The following NFIA variants were observed in gnomAD, a reference collection of about 807,000 sequenced individuals.
The protein encoded by NFIA is nuclear factor I A.
A neutral mutation model predicts 62.8 loss-of-function variants in NFIA; 8 were observed. The observed-to-expected ratio is 0.13, with a 90% CI of 0.07 to 0.23. The LOEUF (loss-of-function observed/expected upper bound fraction) is 0.23, where lower values mean the gene tolerates loss of function less well. Ranked by LOEUF, NFIA falls within the 10% of genes least tolerant of loss-of-function variation. NFIA has a pLI of 1.00. For missense variants in NFIA, 410 were observed against 642.1 expected, an observed-to-expected ratio of 0.64 and a Z score of 3.91; for synonymous variants, 235 against 238.1, an observed-to-expected ratio of 0.99 and a Z score of 0.12.
upstream of NFIA, among the ~76,000 whole-genome samples, chr1:61,080,542 C>G (rs1383137427): frequency 6.6e-6 from 1 of 152,078 alleles, no homozygotes; most frequent in Non-Finnish European, 1.5e-5. Flanking sequence ...AAACTTGGAG[C>G]GCATTGAAGT....
chr1:61,381,958 A>T (rs1664438592), intron 6 of NFIA, among the ~76,000 whole-genome samples: 1 of 152,230 alleles, frequency 6.6e-6, no homozygotes, highest in South Asian at 2.1e-4. Context: ...ACTCCATAAC[A>T]GTTACATGTT....
At chr1:61,280,964 C>A (rs940239363) in intron 3 of NFIA, among the ~76,000 whole-genome samples, 1 of 152,142 alleles carries the variant, frequency 6.6e-6, no homozygotes, top group Admixed American at 6.5e-5. Context: ...TAAAAGGAGG[C>A]CAGGTGCAGT....
chr1:61,080,660 G>A (rs115149702), upstream of NFIA, among the ~76,000 whole-genome samples: 666 of 152,304 alleles, frequency 4.4e-3, 4 homozygotes, highest in African/African-American at 0.015. Flanking sequence ...CCAAGGAAAA[G>A]CAGTGGGTTA....
rs1174472203 is a variant in NFIA at position 61,456,179 on chromosome 1, G to T, written c.*859G>T. Reference sequence around the variant, plus strand: ...AATCGAATTTTGAATTGAGTAAAGTGCAATTTCATTGGATAGCTAAATATC... The same window carrying T: ...AATCGAATTTTGAATTGAGTAAAGTTCAATTTCATTGGATAGCTAAATATC... On this transcript the variant is annotated 3_prime_UTR_variant, in exon 11 of 11. Coordinates refer to ENST00000403491, the MANE Select transcript of NFIA (RefSeq NM_001134673.4). The T allele has an allele frequency of 6.6e-6, 1 of 152,562 alleles. No individual in the cohort carries two copies. Among genetic ancestry groups the T allele is most frequent in the African/African-American group, 2.4e-5 (1 of 41,432 alleles). The allele number at this position is 152,562 out of a possible 1,614,324, so 9.5% of individuals were successfully genotyped here.
intron 3 of NFIA, among the ~76,000 whole-genome samples, chr1:61,316,590 C>T (rs1297370995): frequency 1.3e-5 from 2 of 152,014 alleles, no homozygotes; most frequent in Non-Finnish European, 2.9e-5. Flanking sequence ...GATTCCCCTC[C>T]GAATGCTGAT....
intron 4 of NFIA, among the ~76,000 whole-genome samples, chr1:61,344,004 A>T (rs1200148763): frequency 6.6e-6 from 1 of 152,176 alleles, no homozygotes; most frequent in African/African-American, 2.4e-5. Flanking sequence ...CAGTCAGGAA[A>T]CTCTGGCAGA....
At chr1:61,342,603 A>G (rs1557719277) in intron 4 of NFIA, among the ~76,000 whole-genome samples, 1 of 152,204 alleles carries the variant, frequency 6.6e-6, no homozygotes, top group South Asian at 2.1e-4. Context: ...CCTTCATCCA[A>G]TGGAACTCTT....
At chr1:61,371,419 A>T (rs1195789512) in intron 6 of NFIA, among the ~76,000 whole-genome samples, 1 of 151,802 alleles carries the variant, frequency 6.6e-6, no homozygotes, top group African/African-American at 2.4e-5. Flanking sequence ...TGATGTTTTG[A>T]TGAGTTTGTC....
At chr1:61,280,453 A>G (rs80072549) in intron 3 of NFIA, among the ~76,000 whole-genome samples, 6 of 151,934 alleles carry the variant, frequency 3.9e-5, no homozygotes, top group African/African-American at 1.2e-4. Context: ...ATGTGTGTGT[A>G]TATATATATG....
chr1:61,169,001 C>T (rs925026615), intron 2 of NFIA, among the ~76,000 whole-genome samples: 2 of 152,196 alleles, frequency 1.3e-5, no homozygotes, highest in Admixed American at 1.3e-4. Flanking sequence ...TGTGAAACTT[C>T]TGCTCCTCCT....
At chr1:61,317,470 A>G (rs1377543721) in intron 3 of NFIA, among the ~76,000 whole-genome samples, 1 of 152,062 alleles carries the variant, frequency 6.6e-6, no homozygotes, top group South Asian at 2.1e-4. Flanking sequence ...ACACAAATAT[A>G]TATACTAATA....
intron 2 of NFIA, among the ~76,000 whole-genome samples, chr1:61,125,790 A>G (rs1409116592): frequency 1.3e-5 from 2 of 152,236 alleles, no homozygotes; most frequent in Non-Finnish European, 2.9e-5. Context: ...CACATAATAT[A>G]GAAGAGATCA....
At chr1:61,308,962 G>A (rs745712534) in intron 3 of NFIA, among the ~76,000 whole-genome samples, 35 of 152,254 alleles carry the variant, frequency 2.3e-4, no homozygotes, top group Admixed American at 1.2e-3. Context: ...TCCAGAAGCC[G>A]TAAGAAATCC....
At chr1:61,220,713 G>A (rs1319804069) in intron 2 of NFIA, among the ~76,000 whole-genome samples, 5 of 152,112 alleles carry the variant, frequency 3.3e-5, no homozygotes, top group Admixed American at 1.3e-4. Flanking sequence ...ACTTGGCTTT[G>A]CCTAAATAGA....
chr1:61,339,305 T>C (rs1305076097), intron 4 of NFIA, among the ~76,000 whole-genome samples: 1 of 152,166 alleles, frequency 6.6e-6, no homozygotes, highest in African/African-American at 2.4e-5. Flanking sequence ...AAAGAGTGGG[T>C]GGCCCTTTAA....
chr1:61,231,369 T>A (rs950933125), intron 2 of NFIA, among the ~76,000 whole-genome samples: 1 of 152,204 alleles, frequency 6.6e-6, no homozygotes, highest in Non-Finnish European at 1.5e-5. Flanking sequence ...GTCCTATGAA[T>A]TAGGATATAA....
At chr1:61,246,553 G>A (rs1200872191) in intron 2 of NFIA, among the ~76,000 whole-genome samples, 4 of 151,898 alleles carry the variant, frequency 2.6e-5, no homozygotes, top group Non-Finnish European at 5.9e-5. Flanking sequence ...TTCCTCTTCT[G>A]AAAAATGAAG....
intron 2 of NFIA, among the ~76,000 whole-genome samples, chr1:61,139,826 C>T (rs1280774423): frequency 6.7e-6 from 1 of 148,334 alleles, no homozygotes; most frequent in Admixed American, 6.8e-5. Context: ...CATATTTTTC[C>T]TGCCATCTCC....
intron 7 of NFIA, among the ~76,000 whole-genome samples, chr1:61,395,881 C>T (rs932687830): frequency 3.9e-5 from 6 of 152,220 alleles, no homozygotes; most frequent in African/African-American, 1.2e-4. Flanking sequence ...TCTAGATATA[C>T]TGTACAACTT....
Sources: allele counts gnomAD v4.1 joint callset (sites outside exome capture counted in the v4.1 genomes callset), GRCh38; gene constraint gnomAD v4.1.1; transcripts MANE v1.5; gene names NCBI Gene and HGNC (gene_info 2026-07-23, HGNC 2026-07-21).